CPNE3: variants seen among roughly 807,000 people sequenced by gnomAD.
CPNE3 encodes copine 3.
In CPNE3, 68 loss-of-function variants were observed where a neutral mutation model predicts 63.9. The ratio of observed to expected loss-of-function variants is 1.06; its 90% confidence interval spans 0.87 to 1.30. The LOEUF is 1.30. CPNE3 is among the 50% of genes most tolerant of loss of function. CPNE3 has a pLI of 0.00. For missense variants in CPNE3, 665 were observed against 578.1 expected (o/e 1.15, Z -1.54); for synonymous variants, 219 against 197.5 (o/e 1.11, Z -0.91).
In CPNE3 at chr8:86,558,673, A is replaced by G. The variant is rs1821374938; in HGVS notation, c.*263A>G. The G allele has an allele frequency of 2.7e-6, 1 of 373,572 alleles. No homozygotes were observed. The highest frequency in any genetic ancestry group is 5.0e-6 in the Non-Finnish European group (1 of 200,862). The allele number at this position is 373,572 out of a possible 1,614,324, so 23.1% of individuals were successfully genotyped here. A position where few individuals can be genotyped will look rare whatever the true frequency, so the allele number is the denominator to read the frequency against. ...CTTTGGATTAGAAATTAGTGTGGGG[A>G]AAGCTTATTCTGTTGTTGTTTTTGT... On this transcript the variant is annotated 3_prime_UTR_variant, in exon 17 of 17. Transcript: ENST00000517490.
intron 2 of CPNE3, among the ~76,000 whole-genome samples, chr8:86,519,427 G>C (rs1441634267): frequency 6.6e-6 from 1 of 152,150 alleles, no homozygotes; most frequent in African/African-American, 2.4e-5. Flanking sequence ...ATCAGCAATG[G>C]TATCACTATT....
intron 8 of CPNE3, among the ~76,000 whole-genome samples, chr8:86,543,836 T>A (rs10106390): frequency 5.9e-5 from 9 of 151,966 alleles, no homozygotes; most frequent in African/African-American, 2.2e-4. Flanking sequence ...AAAACATTGG[T>A]GTTAAATGTT....
In CPNE3 at chr8:86,555,085, C is replaced by A. The variant is rs1298272122; in HGVS notation, c.1254+101C>A. ...GGTTTGTCATAATACAAAGTCAGGG[C>A]AAGATACAATAACACAGTCATTCTT... On this transcript the variant is annotated intron_variant, in intron 15 of 16. Transcript: ENST00000517490. 3 of 1,491,710 alleles carry A rather than the reference C, an allele frequency of 2.0e-6. No individual in the cohort carries two copies. In the African/African-American group the frequency reaches 4.2e-5, roughly 21 times the overall value. The allele number at this position is 1,491,710 out of a possible 1,614,324, so 92.4% of individuals were successfully genotyped here. A position where few individuals can be genotyped will look rare whatever the true frequency, so the allele number is the denominator to read the frequency against.
chr8:86,551,702 C>T (rs1237298721), intron 14 of CPNE3, among the ~76,000 whole-genome samples: 1 of 152,170 alleles, frequency 6.6e-6, no homozygotes, highest in Non-Finnish European at 1.5e-5. Flanking sequence ...ACTTGTTGCT[C>T]ACACAGTATT....
intron 12 of CPNE3, among the ~76,000 whole-genome samples, chr8:86,549,171 G>A (rs534237340): frequency 3.5e-3 from 536 of 152,096 alleles, no homozygotes; most frequent in African/African-American, 0.012. Flanking sequence ...ATATTGATGG[G>A]GCTTTTCATT....
At chr8:86,521,747 A>AT (rs35124424) in intron 2 of CPNE3, 3 of 152,156 alleles carry the variant, frequency 2.0e-5, no homozygotes, top group East Asian at 3.9e-4. Flanking sequence ...AGAAATTTAT[A>AT]TTTTTTTCCT....
At chr8:86,516,939 C>T (rs1820325833) in intron 2 of CPNE3, among the ~76,000 whole-genome samples, 1 of 152,188 alleles carries the variant, frequency 6.6e-6, no homozygotes, top group Non-Finnish European at 1.5e-5. Context: ...CCACTGCTCA[C>T]CAAAGCATGA....
chr8:86,520,579 G>GA (rs1563684029), intron 2 of CPNE3, among the ~76,000 whole-genome samples: 1 of 150,508 alleles, frequency 6.6e-6, no homozygotes, highest in Non-Finnish European at 1.5e-5. Context: ...TTTAACAGCT[G>GA]AAAAAACCTG....
In CPNE3 at chr8:86,531,213, G is replaced by T; in HGVS notation, c.371G>T (p.Gly124Val). The change falls in exon 5 of 17, where the codon GGA (glycine) becomes GTA (valine). Residue 124 changes from glycine (G) to valine (V), a missense_variant. By Grantham distance (109) the Gly-to-Val change is moderately radical. Coordinates refer to ENST00000517490, the MANE Select transcript of CPNE3 (RefSeq NM_003909.5). The part of the protein sequence containing the change: ...PLVMKTGRPA[G>V]KGSITISAEE... Reference sequence around the variant, plus strand: ...GTGATGAAAACTGGCAGACCTGCAGGAAAAGGGAGCATTACGGTAAAAATA... The same window carrying T: ...GTGATGAAAACTGGCAGACCTGCAGTAAAAGGGAGCATTACGGTAAAAATA... The T allele has an allele frequency of 8.1e-7, 1 of 1,240,742 alleles. No homozygotes were observed. The highest frequency in any genetic ancestry group is 1.2e-6 in the Non-Finnish European group (1 of 838,664). The allele number at this position is 1,240,742 out of a possible 1,614,324, so 76.9% of individuals were successfully genotyped here. A position where few individuals can be genotyped will look rare whatever the true frequency, so the allele number is the denominator to read the frequency against.
chr8:86,549,581 T>C (rs1821127680), intron 12 of CPNE3, among the ~76,000 whole-genome samples: 1 of 152,188 alleles, frequency 6.6e-6, no homozygotes, highest in African/African-American at 2.4e-5. Flanking sequence ...TGTTTTAGGA[T>C]ATTATTCTGT....
At chr8:86,539,435 G>T (rs1255751738) in intron 7 of CPNE3, among the ~76,000 whole-genome samples, 1 of 152,034 alleles carries the variant, frequency 6.6e-6, no homozygotes, top group Non-Finnish European at 1.5e-5. Flanking sequence ...ATTGTTTTAT[G>T]CCTTTTAAGT....
In CPNE3 at chr8:86,528,814, G is replaced by C. The variant is rs1345876598; in HGVS notation, c.133-131G>C. The stretch of plus-strand genomic sequence containing the variant: ...TTGTGAAAGTTTGTCCTTGATTGTA[G>C]AATTTTTCATACACATATAGAAACT... On this transcript the variant is annotated intron_variant, in intron 3 of 16. Coordinates refer to ENST00000517490, the MANE Select transcript of CPNE3 (RefSeq NM_003909.5). 14 of 1,331,636 alleles carry C rather than the reference G, an allele frequency of 1.1e-5. No individual in the cohort carries two copies. The East Asian group carries it at 3.4e-4, about 33-fold the overall frequency. 82.5% of individuals were successfully genotyped at this position (1,331,636 alleles called of 1,614,324 possible).
intron 3 of CPNE3, 100 bp from the exon 4 acceptor site, chr8:86,528,845 T>C (rs1820600858): frequency 7.6e-7 from 1 of 1,307,796 alleles, no homozygotes; most frequent in Non-Finnish European, 1.0e-6. Context: ...AAACTTCCTT[T>C]AGTTGTCATG....
chr8:86,516,854 G>A (rs1820323706), intron 2 of CPNE3, among the ~76,000 whole-genome samples: 2 of 152,116 alleles, frequency 1.3e-5, no homozygotes, highest in South Asian at 2.1e-4. Context: ...ATGCCTGTTA[G>A]CAAAACTATA....
chr8:86,515,086 C>G (rs1345689296), intron 1 of CPNE3: 1 of 152,230 alleles, frequency 6.6e-6, no homozygotes, highest in Non-Finnish European at 1.5e-5. Flanking sequence ...CTCTTGATTT[C>G]AGGGTAAACA....
chr8:86,552,580 G>A (rs1256964516), intron 14 of CPNE3, among the ~76,000 whole-genome samples: 2 of 151,936 alleles, frequency 1.3e-5, no homozygotes, highest in African/African-American at 4.8e-5. Context: ...TCACCAAGTG[G>A]TTTACACTCT....
chr8:86,551,351 A>G, intron 14 of CPNE3, 117 bp downstream of exon 14: 6 of 737,392 alleles, frequency 8.1e-6, no homozygotes, highest in Non-Finnish European at 1.3e-5. Flanking sequence ...TTTCATCTCT[A>G]GGTTTCATTT....
Position 86,554,820 on chromosome 8 carries a change from G to A in CPNE3, c.1121-31G>A, listed in dbSNP as rs562004989. 1.0e-4 allele frequency: 162 copies of A among 1,607,688 alleles called. 3 individuals carry two copies. The South Asian group carries it at 1.7e-3, about 17-fold the overall frequency. On this transcript the variant is annotated intron_variant, in intron 14 of 16. Transcript: ENST00000517490. ...AACACATTGTGCTTGAGAATTTTTA[G>A]TACTGTTTTTTATTTGTTTGTTTGT...
chr8:86,533,872 C>T (rs1417106075), intron 6 of CPNE3, among the ~76,000 whole-genome samples: 1 of 150,214 alleles, frequency 6.7e-6, no homozygotes, highest in Non-Finnish European at 1.5e-5. Flanking sequence ...TTTCTTTCTT[C>T]TTTTCCTCCC....
Sources: gnomAD v4.1 joint callset for allele counts (sites outside exome capture counted in the v4.1 genomes callset) on GRCh38, gnomAD v4.1.1 for gene constraint, MANE v1.5 for transcripts, NCBI Gene and HGNC (gene_info 2026-07-23, HGNC 2026-07-21) for gene names.